The following PPM1L variants were observed in gnomAD, a reference collection of about 807,000 sequenced individuals.
PPM1L encodes protein phosphatase 1L.
PPM1L carries 13 observed loss-of-function variants against 31.4 expected under a neutral mutation model. The ratio of observed to expected loss-of-function variants is 0.41; its 90% CI spans 0.27 to 0.66. PPM1L has a LOEUF of 0.66. Ranked by LOEUF, PPM1L falls within the 30% of genes least tolerant of loss-of-function variation. The probability of loss-of-function intolerance (pLI) is 0.29; values close to 1 mark genes in which losing one functional copy is unlikely to be tolerated. For missense variants in PPM1L, 326 were observed against 453.7 expected (o/e 0.72, Z 2.56); for synonymous variants, 184 against 175.4 (o/e 1.05, Z -0.39).
intron 1 of PPM1L, among the ~76,000 whole-genome samples, chr3:160,766,744 G>GTTTTTTTTTTTTTTT (rs200642876): frequency 2.8e-5 from 4 of 142,394 alleles, no homozygotes; most frequent in African/African-American, 1.0e-4. Context: ...CTCTCTGGAG[G>GTTTTTTTTTTTTTTT]TTTTTTTTTT....
intron 1 of PPM1L, chr3:160,939,872 G>A (rs1715103413): frequency 6.4e-6 from 1 of 156,996 alleles, no homozygotes; most frequent in South Asian, 2.0e-4. Context: ...CCGAGTAACA[G>A]GCACAGGTTG....
intron 1 of PPM1L, among the ~76,000 whole-genome samples, chr3:160,763,635 G>T (rs1168813562): frequency 6.6e-6 from 1 of 152,214 alleles, no homozygotes; most frequent in East Asian, 1.9e-4. Flanking sequence ...GTGCTGAGGA[G>T]CCTGGGCCAT....
intron 1 of PPM1L, among the ~76,000 whole-genome samples, chr3:160,924,752 A>G (rs1714529341): frequency 6.6e-6 from 1 of 152,216 alleles, no homozygotes; most frequent in Non-Finnish European, 1.5e-5. Context: ...TCTCCAGAGT[A>G]AAGGGAGCAC....
chr3:160,909,823 A>T (rs1713892835), intron 1 of PPM1L, among the ~76,000 whole-genome samples: 1 of 152,232 alleles, frequency 6.6e-6, no homozygotes, highest in Non-Finnish European at 1.5e-5. Context: ...GCAACTTGTA[A>T]ATTAGTCCTT....
At chr3:160,814,133 T>C (rs1473656821) in intron 1 of PPM1L, among the ~76,000 whole-genome samples, 1 of 152,212 alleles carries the variant, frequency 6.6e-6, no homozygotes, top group Non-Finnish European at 1.5e-5. Context: ...TACAACCTTT[T>C]ATGGCCTAGA....
chr3:160,952,250 T>A (rs1715597083), intron 1 of PPM1L, among the ~76,000 whole-genome samples: 1 of 152,152 alleles, frequency 6.6e-6, no homozygotes, highest in Admixed American at 6.5e-5. Flanking sequence ...AGAGCAGCTG[T>A]CAAAAGTTAA....
At chr3:160,782,452 CTA>C (rs1357961432) in intron 1 of PPM1L, among the ~76,000 whole-genome samples, 3 of 152,128 alleles carry the variant, frequency 2.0e-5, no homozygotes, top group Non-Finnish European at 4.4e-5. Flanking sequence ...AGATTTCTGA[CTA>C]TGTGACAAAG....
chr3:160,986,203 A>G (rs1716959338), intron 2 of PPM1L, among the ~76,000 whole-genome samples: 1 of 152,246 alleles, frequency 6.6e-6, no homozygotes, highest in African/African-American at 2.4e-5. Flanking sequence ...TTACTCACAG[A>G]GAGCCATCTG....
intron 1 of PPM1L, among the ~76,000 whole-genome samples, chr3:160,874,366 C>A (rs1256214750): frequency 6.6e-6 from 1 of 152,200 alleles, no homozygotes; most frequent in East Asian, 1.9e-4. Flanking sequence ...CCTAGCCTCC[C>A]TTCAGCCTCC....
chr3:160,865,984 A>G (rs1357591425), intron 1 of PPM1L, among the ~76,000 whole-genome samples: 1 of 152,156 alleles, frequency 6.6e-6, no homozygotes, highest in Admixed American at 6.6e-5. Flanking sequence ...GAACAATTGT[A>G]TTTTTGCCTT....
intron 2 of PPM1L, among the ~76,000 whole-genome samples, chr3:161,045,185 C>T (rs959677242): frequency 6.6e-6 from 1 of 151,994 alleles, no homozygotes; most frequent in African/African-American, 2.4e-5. Flanking sequence ...AGACTTTAAC[C>T]CCCCACTGTC....
chr3:160,906,610 A>AGAAAG (rs60273989), intron 1 of PPM1L, among the ~76,000 whole-genome samples: 1 of 116,824 alleles, frequency 8.6e-6, no homozygotes, highest in Non-Finnish European at 1.9e-5. Flanking sequence ...CATAAAGAAA[A>AGAAAG]GAAAAGAAAA....
At chr3:160,939,240 C>T (rs1195414011) in intron 1 of PPM1L, among the ~76,000 whole-genome samples, 4 of 152,166 alleles carry the variant, frequency 2.6e-5, no homozygotes, top group South Asian at 2.1e-4. Context: ...TCCAAACACA[C>T]GTACATACTC....
At position 160,796,452 on chromosome 3, in the gene PPM1L, T is replaced by C. The variant is rs577284826; in HGVS notation, c.399+39745T>C. On this transcript the variant is annotated intron_variant, in intron 1 of 3. Transcript: ENST00000498165. ...TACATCAGATAGCACATTAAATGTC[T>C]TCCTTTGGGTGATCTGAAAAGAAAT... 2.0e-5 allele frequency among the ~76,000 whole-genome samples: 3 copies of C among 152,330 alleles called. No individual in the cohort carries two copies. The South Asian group carries it at 6.2e-4, about 32-fold the overall frequency.
At chr3:160,957,289 A>G (rs575985696) in intron 1 of PPM1L, among the ~76,000 whole-genome samples, 3 of 152,172 alleles carry the variant, frequency 2.0e-5, no homozygotes, top group Non-Finnish European at 2.9e-5. Context: ...ACATTTTCTT[A>G]ATCTAGTTTA....
intron 2 of PPM1L, among the ~76,000 whole-genome samples, chr3:161,053,990 GCTC>G (rs1559938721): frequency 1.3e-5 from 2 of 152,054 alleles, no homozygotes; most frequent in Non-Finnish European, 2.9e-5. Context: ...CATTCCTGCC[GCTC>G]TGCTCTTTAG....
chr3:161,049,256 C>T (rs1280382730), intron 2 of PPM1L, among the ~76,000 whole-genome samples: 1 of 150,740 alleles, frequency 6.6e-6, no homozygotes, highest in Non-Finnish European at 1.5e-5. Context: ...CTAGCCTGGG[C>T]AGCAAAGTGA....
Position 161,031,436 on chromosome 3 carries a change from T to C in PPM1L, c.575-33967T>C, listed in dbSNP as rs57148077. Among the ~76,000 whole-genome samples, 1,408 of 152,070 alleles carry C rather than the reference T, an allele frequency of 9.3e-3. 31 individuals carry two copies. Among genetic ancestry groups the C allele is most frequent in the African/African-American group, 0.032 (1,337 of 41,458 alleles). ...TTGTCTGACTCCAAAGCTTATGTTC[T>C]TTTCATCACACTCTGTGACAGAATA... On this transcript the variant is annotated intron_variant, in intron 2 of 3. Transcript: ENST00000498165.
intron 1 of PPM1L, among the ~76,000 whole-genome samples, chr3:160,803,190 C>A (rs1458491197): frequency 6.6e-6 from 1 of 152,320 alleles, no homozygotes; most frequent in East Asian, 1.9e-4. Flanking sequence ...TCCCCTCCCC[C>A]GAAAGTAGGC....
Sources: gnomAD v4.1 joint callset for allele counts (sites outside exome capture counted in the v4.1 genomes callset) on GRCh38, gnomAD v4.1.1 for gene constraint, MANE v1.5 for transcripts, NCBI Gene and HGNC (gene_info 2026-07-23, HGNC 2026-07-21) for gene names.